Variants in KCNH5 observed in about 807,000 individuals in gnomAD.
KCNH5 encodes potassium voltage-gated channel subfamily H member 5.
KCNH5 carries 46 observed loss-of-function variants against 96.1 expected under a neutral mutation model. That is an observed-to-expected ratio of 0.48 (90% CI 0.38 to 0.61). The LOEUF is 0.61. KCNH5 is among the 20% of genes least tolerant of loss of function. The pLI is 0.00. For missense variants in KCNH5, 907 were observed against 1,225.8 expected (o/e 0.74, Z 3.88); for synonymous variants, 439 against 449.8 (o/e 0.98, Z 0.30).
chr14:62,890,647 C>T (rs1471256865), intron 7 of KCNH5, among the ~76,000 whole-genome samples: 2 of 144,074 alleles, frequency 1.4e-5, no homozygotes, highest in African/African-American at 2.6e-5. Context: ...TGCAGTGAGC[C>T]GAGATCGCGC....
At position 63,022,402 on chromosome 14, in the gene KCNH5, G is replaced by A. The variant is rs2139613750; in HGVS notation, c.74-5448C>T. ...GTCTGATTTACTCAGAACCTCTGTG[G>A]GAGTCCTTCAATGGATTTTTTATAC... On this transcript the variant is annotated intron_variant, in intron 1 of 10. Coordinates refer to ENST00000322893, the MANE Select transcript of KCNH5 (RefSeq NM_139318.5). 2.0e-5 allele frequency among the ~76,000 whole-genome samples: 3 copies of A among 152,134 alleles called. No homozygotes were observed. In the South Asian group the frequency reaches 6.2e-4, roughly 32 times the overall value.
intron 7 of KCNH5, among the ~76,000 whole-genome samples, chr14:62,924,650 CTGCTGCCATT>C: frequency 6.6e-6 from 1 of 151,670 alleles, no homozygotes. Context: ...AAAGAAAATC[CTGCTGCCATT>C]TGCAATAACA....
At chr14:62,906,539 A>T (rs1055215073) in intron 7 of KCNH5, among the ~76,000 whole-genome samples, 9 of 152,060 alleles carry the variant, frequency 5.9e-5, no homozygotes, top group Non-Finnish European at 1.0e-4. Context: ...TCTTCCTTTA[A>T]AAAAAAGGTC....
At chr14:62,829,291 G>T (rs1387666667) in intron 8 of KCNH5, among the ~76,000 whole-genome samples, 1 of 152,094 alleles carries the variant, frequency 6.6e-6, no homozygotes, top group African/African-American at 2.4e-5. Flanking sequence ...TCTTCTCACA[G>T]CTTCACTAGG....
At chr14:62,900,897 CAATTAA>C (rs1888912071) in intron 7 of KCNH5, among the ~76,000 whole-genome samples, 2 of 152,156 alleles carry the variant, frequency 1.3e-5, no homozygotes, top group African/African-American at 2.4e-5. Context: ...GCTTACGAAT[CAATTAA>C]AGAGACAACC....
chr14:62,861,382 A>G (rs575686669), intron 7 of KCNH5, among the ~76,000 whole-genome samples: 5 of 151,482 alleles, frequency 3.3e-5, no homozygotes, highest in Admixed American at 6.6e-5. Flanking sequence ...CAATCCTCCC[A>G]CCTTAGCTTC....
chr14:63,035,271 A>G (rs1791236867), intron 1 of KCNH5, among the ~76,000 whole-genome samples: 2 of 152,312 alleles, frequency 1.3e-5, no homozygotes, highest in Middle Eastern at 3.4e-3. Context: ...TTACCCTTTA[A>G]TGGCAATTAA....
intron 2 of KCNH5, 92 bp from the exon 3 acceptor site, chr14:63,006,564 T>C (rs746962068): frequency 8.4e-5 from 61 of 723,732 alleles, no homozygotes; most frequent in Non-Finnish European, 1.3e-4. Flanking sequence ...ACTAGTCAAA[T>C]GTGGCTAGAA....
chr14:62,866,746 T>C (rs1419810038), intron 7 of KCNH5, among the ~76,000 whole-genome samples: 2 of 152,140 alleles, frequency 1.3e-5, no homozygotes, highest in African/African-American at 2.4e-5. Flanking sequence ...TCCCATTTAA[T>C]CCTTCTGACA....
At chr14:62,913,772 T>C (rs960403445) in intron 7 of KCNH5, among the ~76,000 whole-genome samples, 33 of 151,920 alleles carry the variant, frequency 2.2e-4, no homozygotes, top group African/African-American at 7.7e-4. Context: ...AATCACAGAG[T>C]TTATCAAAAA....
chr14:62,717,721 C>A (rs1241252237), intron 10 of KCNH5, among the ~76,000 whole-genome samples: 1 of 152,136 alleles, frequency 6.6e-6, no homozygotes, highest in Non-Finnish European at 1.5e-5. Context: ...ATTTTAGTGA[C>A]CCTGAATTAG....
chr14:62,880,500 T>C (rs1302134886), intron 7 of KCNH5, among the ~76,000 whole-genome samples: 2 of 152,210 alleles, frequency 1.3e-5, no homozygotes, highest in African/African-American at 2.4e-5. Flanking sequence ...TTTGATGTCA[T>C]TGAGCACACT....
rs1884403854 is a variant in KCNH5, at chr14:62,705,023, G to A, written c.*2485C>T. The A allele has an allele frequency of 6.6e-6, 1 of 151,878 alleles. No individual in the cohort carries two copies. The highest frequency in any genetic ancestry group is 2.1e-4 in the South Asian group (1 of 4,830). The allele number at this position is 151,878 out of a possible 1,614,324, so 9.4% of individuals were successfully genotyped here. Reference sequence around the variant, plus strand: ...TATCATGCACACAGAGAACAGAGATGGCTGAAAAGACACTATGATAACTGC... The same window carrying A: ...TATCATGCACACAGAGAACAGAGATAGCTGAAAAGACACTATGATAACTGC... On this transcript the variant is annotated 3_prime_UTR_variant, in exon 11 of 11. Coordinates refer to ENST00000322893, the MANE Select transcript of KCNH5 (RefSeq NM_139318.5).
chr14:62,874,002 C>T (rs942297315), intron 7 of KCNH5, among the ~76,000 whole-genome samples: 4 of 152,190 alleles, frequency 2.6e-5, no homozygotes, highest in Non-Finnish European at 5.9e-5. Context: ...AGACCTGAAA[C>T]TCCTGAGGCT....
At chr14:62,742,470 C>T (rs962835319) in intron 10 of KCNH5, among the ~76,000 whole-genome samples, 15 of 151,962 alleles carry the variant, frequency 9.9e-5, no homozygotes, top group Admixed American at 3.3e-4. Context: ...TCCTGGCGCA[C>T]ATTAGAATTA....
chr14:62,805,981 T>G (rs924271214), intron 8 of KCNH5, among the ~76,000 whole-genome samples: 7 of 152,054 alleles, frequency 4.6e-5, no homozygotes, highest in Non-Finnish European at 8.8e-5. Context: ...GCATTCTAAG[T>G]CACAGGATGA....
chr14:62,873,676 C>T (rs1028621236), intron 7 of KCNH5, among the ~76,000 whole-genome samples: 1 of 152,106 alleles, frequency 6.6e-6, no homozygotes, highest in African/African-American at 2.4e-5. Flanking sequence ...GAAAATAATA[C>T]AATTCCCTAT....
intron 8 of KCNH5, among the ~76,000 whole-genome samples, chr14:62,834,506 C>T (rs1336339278): frequency 6.6e-6 from 1 of 151,936 alleles, no homozygotes; most frequent in African/African-American, 2.4e-5. Flanking sequence ...ACTTCTGTAT[C>T]ATACTTCAGA....
At chr14:62,952,122 G>A (rs372271737) in intron 6 of KCNH5, among the ~76,000 whole-genome samples, 3 of 152,266 alleles carry the variant, frequency 2.0e-5, no homozygotes, top group Admixed American at 2.0e-4. Context: ...AAACAAAGGA[G>A]TAGCAGGGTC....
Sources: allele counts gnomAD v4.1 joint callset (sites outside exome capture counted in the v4.1 genomes callset), GRCh38; gene constraint gnomAD v4.1.1; transcripts MANE v1.5; gene names NCBI Gene and HGNC (gene_info 2026-07-23, HGNC 2026-07-21).